Variants in CREBBP observed in about 807,000 individuals in gnomAD.
CREBBP encodes the protein CREB-binding protein.
CREBBP carries 19 observed loss-of-function variants against 265.0 expected under a neutral mutation model. The ratio of observed to expected loss-of-function variants is 0.07; its 90% CI spans 0.05 to 0.11. CREBBP has a LOEUF of 0.11. CREBBP is among the 10% of genes least tolerant of loss of function. The probability of loss-of-function intolerance (pLI) is 1.00; values close to 1 mark genes in which losing one functional copy is unlikely to be tolerated. For missense variants in CREBBP, 2,525 were observed against 3,219.0 expected (o/e 0.78, Z 5.22); for synonymous variants, 1,457 against 1,223.7 (o/e 1.19, Z -3.98).
chr16:3,836,727 A>T (rs1000867594), intron 2 of CREBBP, among the ~76,000 whole-genome samples: 1 of 152,238 alleles, frequency 6.6e-6, no homozygotes, highest in Non-Finnish European at 1.5e-5. Flanking sequence ...CCTTTAGTTG[A>T]TAAAGCAACG....
intron 4 of CREBBP, 58 bp downstream of exon 4, chr16:3,793,328 C>T: frequency 1.2e-6 from 2 of 1,611,592 alleles, no homozygotes; most frequent in Non-Finnish European, 1.7e-6. Flanking sequence ...GCTGTAAGAA[C>T]AATAAAGGCA....
At chr16:3,736,934 A>C in intron 26 of CREBBP, 119 bp from the exon 27 acceptor site, 1 of 1,239,696 alleles carries the variant, frequency 8.1e-7, no homozygotes, top group South Asian at 1.2e-5. Context: ...GAGAGAGAGA[A>C]TGAATGCCCA....
chr16:3,847,749 A>C (rs1464958211), intron 2 of CREBBP, among the ~76,000 whole-genome samples: 1 of 152,224 alleles, frequency 6.6e-6, no homozygotes, highest in Admixed American at 6.5e-5. Flanking sequence ...CTCCAGGATA[A>C]ATAGCAGACA....
intron 1 of CREBBP, among the ~76,000 whole-genome samples, chr16:3,876,648 G>A (rs969632653): frequency 2.0e-5 from 3 of 152,160 alleles, no homozygotes; most frequent in East Asian, 1.9e-4. Context: ...GTATGAGAAA[G>A]TGTAAAGGCT....
intron 3 of CREBBP, among the ~76,000 whole-genome samples, chr16:3,808,819 C>A (rs2141340792): frequency 6.6e-6 from 1 of 152,336 alleles, no homozygotes; most frequent in African/African-American, 2.4e-5. Flanking sequence ...CTCCTGGTTA[C>A]TGAGCAGGCA....
At chr16:3,748,030 C>A (rs1342012532) in intron 21 of CREBBP, among the ~76,000 whole-genome samples, 1 of 152,164 alleles carries the variant, frequency 6.6e-6, no homozygotes. Context: ...ACGGAGGTTG[C>A]GGTGAGCTGA....
chr16:3,747,771 G>C (rs1458565965), intron 21 of CREBBP, among the ~76,000 whole-genome samples: 2 of 152,096 alleles, frequency 1.3e-5, no homozygotes, highest in Non-Finnish European at 2.9e-5. Flanking sequence ...GACCAGCCTG[G>C]TCAAGATGGT....
intron 2 of CREBBP, among the ~76,000 whole-genome samples, chr16:3,845,188 C>T (rs939014849): frequency 2.0e-5 from 3 of 152,114 alleles, no homozygotes; most frequent in African/African-American, 7.2e-5. Context: ...TACCATATCC[C>T]CCAGATTCTA....
In CREBBP at chr16:3,726,886, A is replaced by G; in HGVS notation, c.*832T>C. 1 of 233,648 alleles carries G rather than the reference A, an allele frequency of 4.3e-6. No homozygotes were observed. Among genetic ancestry groups the G allele is most frequent in the Non-Finnish European group, 8.5e-6 (1 of 118,032 alleles). The allele number at this position is 233,648 out of a possible 1,614,324, so 14.5% of individuals were successfully genotyped here. On this transcript the variant is annotated 3_prime_UTR_variant, in exon 31 of 31. Coordinates refer to ENST00000262367, the MANE Select transcript of CREBBP (RefSeq NM_004380.3). ...ATGAGTTGGTATTTTACCATTCTAT[A>G]CAGTGATTGAATCTTCTCGAGTTTC...
At position 3,728,298 on chromosome 16, in the gene CREBBP, A is replaced by T; in HGVS notation, c.6749T>A (p.Met2250Lys). 6.2e-7 allele frequency: 1 copy of T among 1,612,082 alleles called. No homozygotes were observed. Among genetic ancestry groups the T allele is most frequent in the Middle Eastern group, 1.7e-4 (1 of 5,894 alleles). Residue 2250 changes from methionine to lysine, a missense_variant, in exon 31 of 31, where the codon ATG (methionine) becomes AAG (lysine). Physicochemically the swap from Met to Lys is moderately conservative, Grantham distance 95. Around this residue, in one of 19 missense-constraint regions of CREBBP, gnomAD observed 473 missense variants for 459.3 expected, o/e 1.03. Transcript: ENST00000262367. This position sits in a 1 kb window ranked among gnomAD's most constrained non-coding sequence, Gnocchi z 8.7. ...YPPAMQQQQR[M>K]QQHLPLQGSS... ...GCCCTGGAGGGGGAGATGCTGCTGC[A>T]TGCGCTGCTGCTGCTGCATGGCCGG...
chr16:3,862,768 CG>C (rs968273098), intron 1 of CREBBP, among the ~76,000 whole-genome samples: 5 of 152,094 alleles, frequency 3.3e-5, no homozygotes, highest in Non-Finnish European at 7.4e-5. Flanking sequence ...AAGCTCCCCA[CG>C]GCAGAGCAGC....
intron 1 of CREBBP, among the ~76,000 whole-genome samples, chr16:3,866,825 T>G (rs1406697654): frequency 6.6e-6 from 1 of 152,170 alleles, no homozygotes; most frequent in Admixed American, 6.5e-5. Flanking sequence ...TTGCTCTCCA[T>G]CCTTTGTTTA....
intron 2 of CREBBP, among the ~76,000 whole-genome samples, chr16:3,817,450 C>T (rs2054060020): frequency 6.6e-6 from 1 of 151,844 alleles, no homozygotes; most frequent in Non-Finnish European, 1.5e-5. Context: ...ATTCTCTCCA[C>T]TCACTAACCA....
chr16:3,795,610 G>C (rs1005924143), intron 3 of CREBBP, among the ~76,000 whole-genome samples: 2 of 151,954 alleles, frequency 1.3e-5, no homozygotes, highest in African/African-American at 4.8e-5. Context: ...GGAATCCCTG[G>C]CCCCTCCTTT....
At chr16:3,769,376 GA>G (rs1567297783) in intron 14 of CREBBP, 23 bp from the exon 15 acceptor site, 1 of 1,614,012 alleles carries the variant, frequency 6.2e-7, no homozygotes, top group Non-Finnish European at 8.5e-7. Flanking sequence ...CGAAAGCACT[GA>G]CTTCAGTAAG....
At chr16:3,736,869 C>T (rs2151330507) in intron 26 of CREBBP, 54 bp from the exon 27 acceptor site, 6 of 1,606,860 alleles carry the variant, frequency 3.7e-6, no homozygotes, top group Non-Finnish European at 5.1e-6. Context: ...ATCGGCCCTG[C>T]CTTTAAGGAG....
At chr16:3,861,652 C>CA (rs368654449) in intron 1 of CREBBP, among the ~76,000 whole-genome samples, 64,113 of 120,710 alleles carry the variant, frequency 0.53, 15,934 homozygotes, top group Middle Eastern at 0.66. Flanking sequence ...CTCTCTATAC[C>CA]AAAAAAAAAA....
chr16:3,745,059 C>A, intron 22 of CREBBP, 98 bp from the exon 23 acceptor site: 1 of 1,005,996 alleles, frequency 9.9e-7, no homozygotes, highest in South Asian at 1.3e-5. Flanking sequence ...CAGTTTAAAT[C>A]ACATTATTAT....
chr16:3,828,403 C>A (rs997193316), intron 2 of CREBBP, among the ~76,000 whole-genome samples: 1 of 152,204 alleles, frequency 6.6e-6, no homozygotes, highest in South Asian at 2.1e-4. Context: ...AAGCTGACTT[C>A]TTTATGGGTC....
Sources: gnomAD v4.1 joint callset for allele counts (sites outside exome capture counted in the v4.1 genomes callset) on GRCh38, gnomAD v4.1.1 for gene constraint, gnomAD v4.1.1 regional missense constraint, Gnocchi (gnomAD v3.1) non-coding constraint, MANE v1.5 for transcripts, NCBI Gene and HGNC (gene_info 2026-07-23, HGNC 2026-07-21) for gene names.